TCEANC: variants seen among roughly 807,000 people sequenced by gnomAD.
The protein encoded by TCEANC is transcription elongation factor A N-terminal and central domain-containing protein.
TCEANC carries 8 observed loss-of-function variants against 8.7 expected under a neutral mutation model. The ratio of observed to expected loss-of-function variants is 0.92; its 90% CI spans 0.54 to 1.65. The LOEUF (loss-of-function observed/expected upper bound fraction) is 1.65, where lower values mean the gene tolerates loss of function less well. Ranked by LOEUF, TCEANC falls within the 40% of genes most tolerant of loss-of-function variation. The pLI is 0.00. For missense variants in TCEANC, 255 were observed against 251.9 expected (o/e 1.01, Z -0.08); for synonymous variants, 78 against 92.9 (o/e 0.84, Z 0.92).
intron 1 of TCEANC, among the ~76,000 whole-genome samples, 145 bp from the exon 3 acceptor site, chrX:13,659,507 C>T (rs2045948972): frequency 8.9e-6 from 1 of 111,898 alleles, no homozygotes; most frequent in South Asian, 3.7e-4. Context: ...TATGTATAAA[C>T]AACCAAAAAG....
chrX:13,662,599 A>G, exon 2 of TCEANC: 2 of 1,211,699 alleles, frequency 1.7e-6, no homozygotes, highest in African/African-American at 1.7e-5. Flanking sequence ...CAACCACCTT[A>G]CTGAGCTAGA....
At chrX:13,663,178 A>G in exon 2 of TCEANC, 1 of 1,206,140 alleles carries the variant, frequency 8.3e-7, no homozygotes, top group Non-Finnish European at 1.1e-6. Context: ...TAAAACTTGC[A>G]TCAGAAGCAA....
At chrX:13,653,730 C>T (rs1247945493), upstream of TCEANC, among the ~76,000 whole-genome samples, 1 of 111,622 alleles carries the variant, frequency 9.0e-6, no homozygotes, top group Non-Finnish European at 1.9e-5. Flanking sequence ...CTGAACAGAT[C>T]TAGGTTATTT....
chrX:13,664,724 TTATC>T (rs1216981822), exon 2 of TCEANC: 2 of 123,119 alleles, frequency 1.6e-5, no homozygotes, highest in African/African-American at 6.5e-5. Flanking sequence ...TAACAGACGT[TTATC>T]TAATAAATGA....
At chrX:13,663,258 A>C (rs774954794) in exon 2 of TCEANC, 18 of 1,203,480 alleles carry the variant, frequency 1.5e-5, no homozygotes, top group Non-Finnish European at 1.8e-5. Context: ...CCACGTCTCC[A>C]CGAGAATTTG....
chrX:13,653,340 C>T (rs954402709), upstream of TCEANC: 1 of 112,630 alleles, frequency 8.9e-6, no homozygotes, highest in African/African-American at 3.2e-5. Flanking sequence ...CCTTCCTCTC[C>T]GACTGTCGAG....
chrX:13,663,221 AT>A lies in TCEANC; in HGVS notation c.716del (p.Leu239TyrfsTer18). 8.3e-7 allele frequency: 1 copy of A among 1,205,700 alleles called. No homozygotes were observed. Among genetic ancestry groups the A allele is most frequent in the Non-Finnish European group, 1.1e-6 (1 of 892,146 alleles). ...AATTTGAAGAACCCCAGAAATTCTC[AT>A]TTACAACAAAACTTGCTCTCTGGGA... is the stretch of plus-strand genomic sequence containing the variant. On this transcript the variant is annotated frameshift_variant, in exon 2 of 2. Coordinates refer to ENST00000380600, the Ensembl canonical transcript of TCEANC. LOFTEE classifies it high-confidence loss of function.
At chrX:13,658,503 C>A (rs981474050) in intron 1 of TCEANC, among the ~76,000 whole-genome samples, 3 of 111,709 alleles carry the variant, frequency 2.7e-5, no homozygotes, top group African/African-American at 9.8e-5. Flanking sequence ...CTGTGATGAG[C>A]ATGCATTGTT....
chrX:13,664,525 T>TTTTTTGTTTTTG (rs374135383), exon 2 of TCEANC: 1 of 122,985 alleles, frequency 8.1e-6, no homozygotes, highest in African/African-American at 3.3e-5. Context: ...TTCGTAGTTG[T>TTTTTTGTTTTTG]TTTTTGTTTT....
At chrX:13,662,233 T>A (rs1383971030) in intron 1 of TCEANC, among the ~76,000 whole-genome samples, 2 of 111,809 alleles carry the variant, frequency 1.8e-5, no homozygotes, top group Non-Finnish European at 3.8e-5. Context: ...CTATAGCAGA[T>A]CCTCCGGCAA....
chrX:13,661,536 G>A (rs1318827200), intron 1 of TCEANC, among the ~76,000 whole-genome samples: 2 of 111,914 alleles, frequency 1.8e-5, no homozygotes, highest in East Asian at 2.8e-4. Context: ...TTAATATCAA[G>A]TGCTATAAAA....
exon 2 of TCEANC, chrX:13,663,013 C>G (rs1277661143): frequency 1.6e-5 from 19 of 1,208,985 alleles, no homozygotes; most frequent in Non-Finnish European, 2.0e-5. Context: ...GTTGCTGGAT[C>G]CCACAACACC....
At chrX:13,664,492 C>A (rs1242017646) in exon 2 of TCEANC, 1 of 123,355 alleles carries the variant, frequency 8.1e-6, no homozygotes, top group African/African-American at 3.2e-5. Context: ...TTGTTTGGAG[C>A]CCTCTTGCTT....
exon 2 of TCEANC, chrX:13,663,432 T>C: frequency 8.5e-7 from 1 of 1,181,999 alleles, no homozygotes; most frequent in East Asian, 3.1e-5. Flanking sequence ...GCAAAGTCAC[T>C]GTAATTGACA....
chrX:13,658,586 G>A (rs1188255139), intron 1 of TCEANC, among the ~76,000 whole-genome samples: 1 of 103,521 alleles, frequency 9.7e-6, no homozygotes, highest in East Asian at 3.1e-4. Flanking sequence ...ACTGAAAAAT[G>A]GTATGGTGAG....
chrX:13,658,189 G>A (rs949780978), intron 1 of TCEANC, among the ~76,000 whole-genome samples: 2 of 111,980 alleles, frequency 1.8e-5, no homozygotes, highest in East Asian at 5.5e-4. Context: ...CTGCTAAAGT[G>A]CAGGGATTTT....
chrX:13,661,576 G>A (rs148745907), intron 1 of TCEANC, among the ~76,000 whole-genome samples: 1,898 of 111,935 alleles, frequency 0.017, 36 homozygotes, highest in African/African-American at 0.058. Flanking sequence ...AAAAGACACA[G>A]TCCCTGCCAT....
At chrX:13,660,619 C>T (rs149443393) in intron 1 of TCEANC, among the ~76,000 whole-genome samples, 1,644 of 112,697 alleles carry the variant, frequency 0.015, 32 homozygotes, top group African/African-American at 0.05. Context: ...CATGTTGTAA[C>T]TGTATCAATA....
chrX:13,662,983 A>G, exon 2 of TCEANC: 6 of 1,211,305 alleles, frequency 5.0e-6, no homozygotes, highest in Non-Finnish European at 5.6e-6. Flanking sequence ...CCCTGAATCC[A>G]CTGGCAAGAG....
Sources: allele counts gnomAD v4.1 joint callset (sites outside exome capture counted in the v4.1 genomes callset), GRCh38; gene constraint gnomAD v4.1.1; transcripts MANE v1.5; gene names NCBI Gene and HGNC (gene_info 2026-07-23, HGNC 2026-07-21).